Variants in MMP26 observed in about 807,000 individuals in gnomAD.
MMP26 encodes the protein matrix metalloproteinase-26.
MMP26 carries 33 observed loss-of-function variants against 31.0 expected under a neutral mutation model. The ratio of observed to expected loss-of-function variants is 1.06; its 90% confidence interval spans 0.81 to 1.42. The LOEUF is 1.42. Among genes scored for constraint, MMP26 ranks in the 40% most tolerant of loss-of-function variants. MMP26 has a pLI of 0.00. For missense variants in MMP26, 347 were observed against 316.1 expected (o/e 1.10, Z -0.74); for synonymous variants, 122 against 114.9 (o/e 1.06, Z -0.40).
chr11:4,812,433 C>A (rs543579914), intron 2 of MMP26, among the ~76,000 whole-genome samples: 1 of 152,252 alleles, frequency 6.6e-6, no homozygotes, highest in African/African-American at 2.4e-5. Flanking sequence ...GGAAGACAGA[C>A]AGCCACAGTA....
chr11:4,833,530 TCTTTA>T (rs1256630873), intron 2 of MMP26, among the ~76,000 whole-genome samples: 3 of 152,228 alleles, frequency 2.0e-5, no homozygotes, highest in Non-Finnish European at 2.9e-5. Flanking sequence ...CTAAGTATGT[TCTTTA>T]CTTTGCTATT....
At chr11:4,906,880 AG>A (rs1453539772) in intron 2 of MMP26, among the ~76,000 whole-genome samples, 1 of 152,036 alleles carries the variant, frequency 6.6e-6, no homozygotes, top group East Asian at 1.9e-4. Context: ...CACCTGTGTC[AG>A]GAGTTCAAGA....
At chr11:4,826,521 T>C (rs1052834232) in intron 2 of MMP26, among the ~76,000 whole-genome samples, 4 of 152,036 alleles carry the variant, frequency 2.6e-5, no homozygotes, top group African/African-American at 9.7e-5. Context: ...AGTGGTGAAA[T>C]GCTGAAGAAA....
chr11:4,740,515 C>T (rs1229170613), intron 1 of MMP26, among the ~76,000 whole-genome samples: 2 of 151,854 alleles, frequency 1.3e-5, no homozygotes, highest in Admixed American at 6.6e-5. Flanking sequence ...AACCTCATCT[C>T]TACTAAAAAT....
intron 2 of MMP26, among the ~76,000 whole-genome samples, chr11:4,789,530 C>CCTTTTTTTTTTTTT (rs1848993184): frequency 1.5e-5 from 1 of 65,942 alleles, no homozygotes; most frequent in Non-Finnish European, 2.7e-5. Flanking sequence ...TATCCCCCCA[C>CCTTTTTTTTTTTTT]TTTTTTTTTT....
intron 2 of MMP26, chr11:4,769,053 G>A (rs574092319): frequency 1.3e-6 from 2 of 1,554,054 alleles, no homozygotes; most frequent in South Asian, 1.2e-5. Context: ...ATGGGGTTGA[G>A]CACAGGGGGT....
chr11:4,718,340 A>T (rs1003399838), intron 1 of MMP26, among the ~76,000 whole-genome samples: 1 of 152,202 alleles, frequency 6.6e-6, no homozygotes, highest in African/African-American at 2.4e-5. Flanking sequence ...CAGACATGTG[A>T]ACTTAAATAA....
chr11:4,853,670 T>C (rs1171082487), intron 2 of MMP26, among the ~76,000 whole-genome samples: 1 of 152,174 alleles, frequency 6.6e-6, no homozygotes, highest in Non-Finnish European at 1.5e-5. Context: ...TACTAAAAAA[T>C]GCCAAGGTCC....
At chr11:4,884,290 T>G (rs943039849) in intron 2 of MMP26, among the ~76,000 whole-genome samples, 2 of 152,084 alleles carry the variant, frequency 1.3e-5, no homozygotes, top group African/African-American at 4.8e-5. Context: ...TTTTTCAAAC[T>G]CCAAGTCCCT....
Position 4,990,632 on chromosome 11 carries a change from G to T in MMP26, c.355G>T (p.Ala119Ser). ...INYPHDMKPS[A>S]VKDSIYNAVS... ...TTACCCACATGATATGAAGCCATCC[G>T]CAGTGAAAGACAGTATATATAATGC... The change falls in exon 5 of 8, where the codon GCA (alanine) becomes TCA (serine). Residue 119 changes from alanine (A) to serine (S), a missense_variant. By Grantham distance (99) the Ala-to-Ser change is moderately conservative. Coordinates refer to ENST00000380390, the MANE Select transcript of MMP26 (RefSeq NM_021801.5). 1.2e-6 allele frequency: 2 copies of T among 1,613,020 alleles called. No homozygotes were observed. Among genetic ancestry groups the T allele is most frequent in the Non-Finnish European group, 1.7e-6 (2 of 1,179,338 alleles).
chr11:4,930,410 T>C (rs1322358911), intron 2 of MMP26, among the ~76,000 whole-genome samples: 1 of 152,036 alleles, frequency 6.6e-6, no homozygotes, highest in Admixed American at 6.6e-5. Flanking sequence ...AAGAACAAAG[T>C]AATAGTGTCA....
At chr11:4,991,943 T>C in intron 6 of MMP26, 21 bp from the exon 7 acceptor site, 1 of 1,561,558 alleles carries the variant, frequency 6.4e-7, no homozygotes, top group Non-Finnish European at 8.6e-7. Flanking sequence ...TTTTATCTTT[T>C]TTTTTTCTAT....
rs574904754 is a variant in MMP26, at chr11:4,972,665, A to T, written c.-144-15403A>T. ...ATTAATTTTCAAATTAACATAGACA[A>T]TATTATTTTAATCATTATGAAAATG... On this transcript the variant is annotated intron_variant, in intron 2 of 7. Coordinates refer to ENST00000380390, the MANE Select transcript of MMP26 (RefSeq NM_021801.5). Among the ~76,000 whole-genome samples the T allele has an allele frequency of 2.0e-5, 3 of 151,538 alleles. No individual in the cohort carries two copies. The South Asian group carries it at 6.2e-4, about 31-fold the overall frequency.
At position 4,989,672 on chromosome 11, in the gene MMP26, A is replaced by T. The variant is rs546637039; in HGVS notation, c.124A>T (p.Thr42Ser). Residue 42 changes from threonine (T) to serine (S), a missense_variant, in exon 4 of 8, where the codon ACC becomes TCC. Thr to Ser is a moderately conservative substitution (Grantham distance 58). Coordinates refer to ENST00000380390, the MANE Select transcript of MMP26 (RefSeq NM_021801.5). ...VEGYFHQFFLTKKESPLLTQE... is the reference protein window; with the variant it reads ...VEGYFHQFFLSKKESPLLTQE... ...GGGCTATTTCCATCAATTTTTCCTG[A>T]CCAAGAAGGAGTCGCCACTCCTTAC... is the stretch of plus-strand genomic sequence containing the variant. 5.5e-5 allele frequency: 88 copies of T among 1,612,894 alleles called. No individual in the cohort carries two copies. In the South Asian group the frequency reaches 9.2e-4, roughly 17 times the overall value.
intron 2 of MMP26, chr11:4,947,086 G>T: frequency 6.8e-7 from 1 of 1,471,524 alleles, no homozygotes; most frequent in Non-Finnish European, 9.4e-7. Context: ...CATATGATGT[G>T]TTGATAATGG....
At chr11:4,860,605 G>A (rs1281440458) in intron 2 of MMP26, 1 of 407,654 alleles carries the variant, frequency 2.5e-6, no homozygotes, top group African/African-American at 2.1e-5. Context: ...CCTCCACTTG[G>A]CTCACAGCTC....
Position 4,778,263 on chromosome 11 carries a change from A to G in MMP26, c.-145+10922A>G, listed in dbSNP as rs138768302. ...TTGTGCTGTTTGGATACTCCCTTTT[A>G]AGAAATGCCTCTCCAAGCCTTTTGC... On this transcript the variant is annotated intron_variant, in intron 2 of 7. Transcript: ENST00000380390. 3.3e-5 allele frequency among the ~76,000 whole-genome samples: 5 copies of G among 152,190 alleles called. No individual in the cohort carries two copies. The East Asian group carries it at 7.7e-4, about 24-fold the overall frequency.
intron 2 of MMP26, among the ~76,000 whole-genome samples, chr11:4,872,385 A>G (rs149839688): frequency 0.012 from 1,827 of 152,182 alleles, 33 homozygotes; most frequent in African/African-American, 0.04. Context: ...TTTTCATTAA[A>G]ATAGAACTAA....
chr11:4,705,881 G>A (rs1282266172), intron 1 of MMP26, among the ~76,000 whole-genome samples: 3 of 151,540 alleles, frequency 2.0e-5, no homozygotes, highest in African/African-American at 4.9e-5. Context: ...CTAGCTACTC[G>A]GGAGGCTGAG....
Sources: allele counts gnomAD v4.1 joint callset (sites outside exome capture counted in the v4.1 genomes callset), GRCh38; gene constraint gnomAD v4.1.1; transcripts MANE v1.5; gene names NCBI Gene and HGNC (gene_info 2026-07-23, HGNC 2026-07-21).